Variants in GATA4 observed in about 807,000 individuals in gnomAD.
GATA4 encodes transcription factor GATA-4.
Under a neutral mutation model 37.9 loss-of-function variants are expected in GATA4, and 7 were observed. The observed-to-expected ratio is 0.18, with a 90% CI of 0.11 to 0.35. The LOEUF (loss-of-function observed/expected upper bound fraction) is 0.35, where lower values mean the gene tolerates loss of function less well. GATA4 is among the 10% of genes least tolerant of loss of function. GATA4 has a pLI of 1.00. For missense variants in GATA4, 647 were observed against 653.0 expected (o/e 0.99, Z 0.10); for synonymous variants, 372 against 292.6 (o/e 1.27, Z -2.77).
At position 11,707,824 on chromosome 8, in the gene GATA4, C is replaced by T. The variant is rs1344183417; in HGVS notation, c.-457-32C>T. The T allele has an allele frequency of 2.8e-5, 6 of 211,288 alleles. No homozygotes were observed. Among genetic ancestry groups the T allele is most frequent in the Admixed American group, 5.4e-5 (1 of 18,416 alleles). 13.1% of individuals were successfully genotyped at this position (211,288 alleles called of 1,614,324 possible). A position where few individuals can be genotyped will look rare whatever the true frequency, so the allele number is the denominator to read the frequency against. ...GGGTTCTGAAAGCTCTGGGATGAAC[C>T]ACCCTCTCTCTTTCTGTCGTTCCTC... On this transcript the variant is annotated intron_variant, in intron 1 of 6. Coordinates refer to ENST00000532059, the MANE Select transcript of GATA4 (RefSeq NM_001308093.3). The surrounding 1 kb of genome is among the most constrained non-coding windows in gnomAD (Gnocchi z 4.7).
At chr8:11,732,413 G>T (rs538246904) in intron 2 of GATA4, among the ~76,000 whole-genome samples, 1 of 152,274 alleles carries the variant, frequency 6.6e-6, no homozygotes, top group Non-Finnish European at 1.5e-5. Flanking sequence ...GAGAAGCTCC[G>T]TTTCATCTAC....
intron 2 of GATA4, among the ~76,000 whole-genome samples, chr8:11,717,200 A>T (rs1276049403): frequency 6.6e-6 from 1 of 152,256 alleles, no homozygotes; most frequent in Non-Finnish European, 1.5e-5. Context: ...CTTCTAAAGA[A>T]GGCAGGGAAG....
At chr8:11,698,689 G>C (rs1799579495) in intron 1 of GATA4, among the ~76,000 whole-genome samples, 1 of 152,146 alleles carries the variant, frequency 6.6e-6, no homozygotes, top group Non-Finnish European at 1.5e-5. Context: ...GAGGCCCGGG[G>C]ACTCCCTCGC....
Position 11,708,961 on chromosome 8 carries a change from G to C in GATA4, c.616+33G>C. ...GGAGCGCGAGGGCTGGGGCGCGTGA[G>C]GGCCGGGGCAGGGGCCGTCTTGAGC... On this transcript the variant is annotated intron_variant, in intron 2 of 6. Transcript: ENST00000532059. The surrounding 1 kb of genome is among the most constrained non-coding windows in gnomAD (Gnocchi z 6.7). 1 of 1,514,464 alleles carries C rather than the reference G, an allele frequency of 6.6e-7. No individual in the cohort carries two copies. The highest frequency in any genetic ancestry group is 8.8e-7 in the Non-Finnish European group (1 of 1,138,438). 93.8% of individuals were successfully genotyped at this position (1,514,464 alleles called of 1,614,324 possible). A position where few individuals can be genotyped will look rare whatever the true frequency, so the allele number is the denominator to read the frequency against.
chr8:11,677,373 A>G (rs10102512), intron 1 of GATA4, among the ~76,000 whole-genome samples: 40,205 of 152,028 alleles, frequency 0.26, 6,523 homozygotes, highest in East Asian at 0.73. Context: ...TAGTTTCTCT[A>G]TTTCCCGATT....
intron 2 of GATA4, among the ~76,000 whole-genome samples, chr8:11,720,854 G>A (rs768054079): frequency 6.6e-6 from 1 of 151,860 alleles, no homozygotes; most frequent in African/African-American, 2.4e-5. Context: ...TGCTGCTTGG[G>A]CTTTGCTTTT....
intron 1 of GATA4, among the ~76,000 whole-genome samples, chr8:11,685,176 C>T (rs946777744): frequency 3.9e-5 from 6 of 152,132 alleles, no homozygotes; most frequent in African/African-American, 1.4e-4. Flanking sequence ...ATCCATTACA[C>T]GATCATTAAA....
Position 11,708,750 on chromosome 8 carries a change from C to G in GATA4, c.438C>G (p.Arg146=). ...GGAAGAGLAG[R]EQYGRAGFAG... ...CGGCGGGTGCGGGCCTGGCGGGCCG[C>G]GAGCAGTACGGGCGCGCCGGCTTCG... The change falls in exon 2 of 7, where the codon CGC becomes CGG. Residue 146 remains arginine, a synonymous_variant. Coordinates refer to ENST00000532059, the MANE Select transcript of GATA4 (RefSeq NM_001308093.3). The surrounding 1 kb of genome is among the most constrained non-coding windows in gnomAD (Gnocchi z 6.7). 7.4e-7 allele frequency: 1 copy of G among 1,351,774 alleles called. No homozygotes were observed. The highest frequency in any genetic ancestry group is 9.5e-7 in the Non-Finnish European group (1 of 1,058,130). The allele number at this position is 1,351,774 out of a possible 1,614,324, so 83.7% of individuals were successfully genotyped here.
chr8:11,716,585 A>G (rs1446402537), intron 2 of GATA4, among the ~76,000 whole-genome samples: 3 of 152,192 alleles, frequency 2.0e-5, no homozygotes, highest in South Asian at 2.1e-4. Context: ...CAGTGCTGGT[A>G]GTGGATCTAA....
In GATA4 at chr8:11,758,282, C is replaced by T. The variant is rs1180391915; in HGVS notation, c.1150-11C>T. The T allele has an allele frequency of 6.2e-7, 1 of 1,614,008 alleles. No individual in the cohort carries two copies. Among genetic ancestry groups the T allele is most frequent in the Non-Finnish European group, 8.5e-7 (1 of 1,180,038 alleles). ...CTCCATGGGCCTCATCGTGTGCTTT[C>T]TGCTTTTCAGACGTTCTCAGTCAGT... On this transcript the variant is annotated splice_polypyrimidine_tract_variant and intron_variant, in intron 6 of 6. Coordinates refer to ENST00000532059, the MANE Select transcript of GATA4 (RefSeq NM_001308093.3).
At chr8:11,692,306 T>C (rs1200605915), upstream of GATA4, among the ~76,000 whole-genome samples, 1 of 152,192 alleles carries the variant, frequency 6.6e-6, no homozygotes, top group Non-Finnish European at 1.5e-5. Flanking sequence ...AATGACAGTG[T>C]GTGCTGTTAT....
At chr8:11,724,719 A>AGT (rs55916536) in intron 2 of GATA4, among the ~76,000 whole-genome samples, 17,858 of 151,974 alleles carry the variant, frequency 0.12, 2,320 homozygotes, top group East Asian at 0.73. Context: ...TGCACAAAGA[A>AGT]GTGTGTGTGT....
rs1802801526 is a variant in GATA4 at position 11,759,759 on chromosome 8, G to A, written c.*1284G>A. On this transcript the variant is annotated 3_prime_UTR_variant, in exon 7 of 7. Coordinates refer to ENST00000532059, the MANE Select transcript of GATA4 (RefSeq NM_001308093.3). ...AGACTCCTTCCTCTTTCTCAGCAGA[G>A]CTGTAGCTGACTGTGGCATTACTAC... is the stretch of plus-strand genomic sequence containing the variant. The A allele has an allele frequency of 6.6e-6, 1 of 152,286 alleles. No individual in the cohort carries two copies. Among genetic ancestry groups the A allele is most frequent in the South Asian group, 2.1e-4 (1 of 4,830 alleles). The allele number at this position is 152,286 out of a possible 1,614,324, so 9.4% of individuals were successfully genotyped here. A position where few individuals can be genotyped will look rare whatever the true frequency, so the allele number is the denominator to read the frequency against.
intron 2 of GATA4, among the ~76,000 whole-genome samples, chr8:11,735,263 T>C (rs1585653517): frequency 1.3e-5 from 2 of 152,374 alleles, no homozygotes; most frequent in Admixed American, 1.3e-4. Context: ...TCTTTAAAAT[T>C]GCAAAGCAAT....
In GATA4 at chr8:11,708,297, G is replaced by C; in HGVS notation, c.-16G>C. 1 of 1,574,942 alleles carries C rather than the reference G, an allele frequency of 6.3e-7. No individual in the cohort carries two copies. The highest frequency in any genetic ancestry group is 8.6e-7 in the Non-Finnish European group (1 of 1,167,874). On this transcript the variant is annotated 5_prime_UTR_variant, in exon 2 of 7. Transcript: ENST00000532059. The surrounding 1 kb of genome is among the most constrained non-coding windows in gnomAD (Gnocchi z 6.7). ...AGGGAGAGAGAGGACACCGAAGCCG[G>C]GAGCTCGCAGGGACCATGTATCAGA...
At chr8:11,757,233 G>A in intron 6 of GATA4, 150 bp downstream of exon 6, 2 of 1,246,228 alleles carry the variant, frequency 1.6e-6, no homozygotes. Flanking sequence ...CCCAGCCATT[G>A]AGCTGTGTGG....
At chr8:11,738,304 C>G (rs1191464557) in intron 2 of GATA4, among the ~76,000 whole-genome samples, 1 of 152,072 alleles carries the variant, frequency 6.6e-6, no homozygotes, top group Non-Finnish European at 1.5e-5. Context: ...CAAGACACCT[C>G]CCTGGAAACA....
At chr8:11,718,236 T>G (rs1225283187) in intron 2 of GATA4, among the ~76,000 whole-genome samples, 1 of 152,138 alleles carries the variant, frequency 6.6e-6, no homozygotes, top group Non-Finnish European at 1.5e-5. Context: ...TCAGTGGAAG[T>G]TTTCTTGTTT....
intron 1 of GATA4, among the ~76,000 whole-genome samples, chr8:11,704,915 C>A (rs1277041351): frequency 6.6e-6 from 1 of 152,236 alleles, no homozygotes; most frequent in African/African-American, 2.4e-5. Context: ...TGGAAGCTCA[C>A]CACCCCACCT....
Sources: allele counts gnomAD v4.1 joint callset (sites outside exome capture counted in the v4.1 genomes callset), GRCh38; gene constraint gnomAD v4.1.1; non-coding constraint Gnocchi (gnomAD v3.1); transcripts MANE v1.5; gene names NCBI Gene and HGNC (gene_info 2026-07-23, HGNC 2026-07-21).